SRBD1: variants seen among roughly 807,000 people sequenced by gnomAD.
SRBD1 encodes S1 RNA-binding domain-containing protein 1.
Under a neutral mutation model 115.3 loss-of-function variants are expected in SRBD1, and 88 were observed. The ratio of observed to expected loss-of-function variants is 0.76; its 90% confidence interval spans 0.64 to 0.91. SRBD1 has a LOEUF of 0.91. Among genes scored for constraint, SRBD1 ranks in the 40% least tolerant of loss-of-function variants. The pLI is 0.00. For synonymous variants in SRBD1, 509 were observed against 407.7 expected, an observed-to-expected ratio of 1.25 and a Z score of -2.99; for missense variants, 1,385 against 1,177.4, an observed-to-expected ratio of 1.18 and a Z score of -2.58.
chr2:45,472,851 T>G (rs1669691404), intron 16 of SRBD1, among the ~76,000 whole-genome samples: 1 of 152,174 alleles, frequency 6.6e-6, no homozygotes, highest in Non-Finnish European at 1.5e-5. Flanking sequence ...TTTTTCCTAT[T>G]TCATGATTTT....
intron 16 of SRBD1, among the ~76,000 whole-genome samples, chr2:45,431,694 T>A (rs1382699829): frequency 2.0e-5 from 3 of 152,030 alleles, no homozygotes; most frequent in Non-Finnish European, 1.5e-5. Context: ...GGTTGATGGG[T>A]GCAGCGAACC....
At chr2:45,562,815 C>T (rs1038222554) in intron 9 of SRBD1, 59 bp from the exon 10 acceptor site, 44 of 1,126,076 alleles carry the variant, frequency 3.9e-5, no homozygotes, top group East Asian at 7.7e-5. Context: ...ACAAATCAGG[C>T]GACTATGTAG....
At chr2:45,564,427 G>C (rs896021516) in intron 9 of SRBD1, among the ~76,000 whole-genome samples, 2 of 152,154 alleles carry the variant, frequency 1.3e-5, no homozygotes, top group East Asian at 3.8e-4. Flanking sequence ...GAAAAGAAGG[G>C]AGGCCATCTA....
chr2:45,462,809 G>C (rs1669359462), intron 16 of SRBD1, among the ~76,000 whole-genome samples: 2 of 151,986 alleles, frequency 1.3e-5, no homozygotes, highest in Admixed American at 1.3e-4. Flanking sequence ...CTGGGCAACA[G>C]AGCGAGACTG....
At chr2:45,398,984 C>T (rs920016740) in intron 19 of SRBD1, among the ~76,000 whole-genome samples, 2 of 152,088 alleles carry the variant, frequency 1.3e-5, no homozygotes, top group African/African-American at 4.8e-5. Flanking sequence ...GTTGTAGGAA[C>T]TGTCTTAGAA....
intron 16 of SRBD1, among the ~76,000 whole-genome samples, chr2:45,433,167 A>G (rs1427955907): frequency 1.3e-5 from 2 of 152,182 alleles, no homozygotes; most frequent in East Asian, 3.9e-4. Context: ...GCCAAAATAC[A>G]AAATGTAGCT....
At chr2:45,493,028 T>C (rs986500772) in intron 14 of SRBD1, among the ~76,000 whole-genome samples, 1 of 152,246 alleles carries the variant, frequency 6.6e-6, no homozygotes, top group African/African-American at 2.4e-5. Context: ...CAAAAGTATA[T>C]TAGAATTCTT....
chr2:45,585,867 C>A, intron 4 of SRBD1, 93 bp from the exon 5 acceptor site: 1 of 1,051,732 alleles, frequency 9.5e-7, no homozygotes. Context: ...TAATGTTCTC[C>A]AGTGACTTAG....
chr2:45,503,106 T>C (rs1227843631), intron 14 of SRBD1, among the ~76,000 whole-genome samples: 1 of 152,184 alleles, frequency 6.6e-6, no homozygotes, highest in African/African-American at 2.4e-5. Context: ...GCTTAAGAGT[T>C]TTCCAGCTGC....
At chr2:45,405,645 G>A (rs1667412456) in intron 19 of SRBD1, among the ~76,000 whole-genome samples, 1 of 152,144 alleles carries the variant, frequency 6.6e-6, no homozygotes, top group Non-Finnish European at 1.5e-5. Context: ...TCAAAAGCTT[G>A]AAGAATATAT....
chr2:45,435,391 A>G (rs1183994238), intron 16 of SRBD1, among the ~76,000 whole-genome samples: 3 of 152,026 alleles, frequency 2.0e-5, no homozygotes. Context: ...AGCTGGAGAA[A>G]CAGACTGGAG....
intron 16 of SRBD1, among the ~76,000 whole-genome samples, chr2:45,445,889 C>A (rs1009625909): frequency 3.9e-5 from 6 of 152,098 alleles, no homozygotes; most frequent in African/African-American, 7.2e-5. Context: ...TTTTCCCTTG[C>A]CAAATCCTCT....
chr2:45,555,100 G>C (rs926516058), intron 10 of SRBD1, among the ~76,000 whole-genome samples: 2 of 152,106 alleles, frequency 1.3e-5, no homozygotes, highest in African/African-American at 4.8e-5. Context: ...AAAAATCCTA[G>C]CCCAGGCTGG....
In SRBD1 at chr2:45,406,109, C is replaced by G. The variant is rs533816950; in HGVS notation, c.2513+7005G>C. On this transcript the variant is annotated intron_variant, in intron 19 of 20. Transcript: ENST00000263736. ...CTTATTCATTCGGCTGCCACTCCCCCACCCCTCACATTTAGAGGTGAGGCA... is the reference window on the plus strand; with the variant it reads ...CTTATTCATTCGGCTGCCACTCCCCGACCCCTCACATTTAGAGGTGAGGCA... Among the ~76,000 whole-genome samples, 7 of 152,180 alleles carry G rather than the reference C, an allele frequency of 4.6e-5. No individual in the cohort carries two copies. In the South Asian group the frequency reaches 1.2e-3, roughly 27 times the overall value.
At chr2:45,437,547 C>A (rs1668536741) in intron 16 of SRBD1, among the ~76,000 whole-genome samples, 1 of 152,112 alleles carries the variant, frequency 6.6e-6, no homozygotes, top group South Asian at 2.1e-4. Context: ...ACAGATCTTA[C>A]ACCCTTAACA....
intron 7 of SRBD1, among the ~76,000 whole-genome samples, chr2:45,575,829 A>G (rs1372960282): frequency 6.6e-6 from 1 of 151,934 alleles, no homozygotes; most frequent in Non-Finnish European, 1.5e-5. Context: ...TCAGCCTCCC[A>G]AGTAACAGGG....
intron 18 of SRBD1, among the ~76,000 whole-genome samples, chr2:45,414,760 TGTGTATATAGTATGTACACACACAC>T (rs1558563454): frequency 0.019 from 2,386 of 125,884 alleles, 126 homozygotes; most frequent in Admixed American, 0.046. Flanking sequence ...ACACACACAG[TGTGTATATAGTATGTACACACACAC>T]ATAGTGTGTA....
At chr2:45,567,103 T>C (rs1672852881) in intron 9 of SRBD1, among the ~76,000 whole-genome samples, 2 of 152,180 alleles carry the variant, frequency 1.3e-5, no homozygotes, top group Non-Finnish European at 2.9e-5. Context: ...CGAAAATTTC[T>C]CAATTTGTGC....
At chr2:45,595,599 C>T (rs1012039207) in intron 4 of SRBD1, among the ~76,000 whole-genome samples, 1 of 152,222 alleles carries the variant, frequency 6.6e-6, no homozygotes, top group Non-Finnish European at 1.5e-5. Context: ...TTTCCAACAT[C>T]TACCCCTGTT....
Sources: gnomAD v4.1 joint callset for allele counts (sites outside exome capture counted in the v4.1 genomes callset) on GRCh38, gnomAD v4.1.1 for gene constraint, MANE v1.5 for transcripts, NCBI Gene and HGNC (gene_info 2026-07-23, HGNC 2026-07-21) for gene names.